Variants in LUZP2 observed in about 807,000 individuals in gnomAD.
LUZP2 encodes the protein leucine zipper protein 2.
In LUZP2, 52 loss-of-function variants were observed where a neutral mutation model predicts 51.6. That is an observed-to-expected ratio of 1.01 (90% CI 0.81 to 1.27). The LOEUF is 1.27. Ranked by LOEUF, LUZP2 falls within the 50% of genes most tolerant of loss-of-function variation. The probability of loss-of-function intolerance (pLI) is 0.00; values close to 1 mark genes in which losing one functional copy is unlikely to be tolerated. For synonymous variants in LUZP2, 154 were observed against 137.3 expected (o/e 1.12, Z -0.85); for missense variants, 436 against 395.4 (o/e 1.10, Z -0.87).
intron 10 of LUZP2, among the ~76,000 whole-genome samples, chr11:25,071,908 GA>G (rs1365744499): frequency 1.3e-5 from 2 of 151,786 alleles, no homozygotes; most frequent in African/African-American, 2.4e-5. Context: ...GCAATGGAAA[GA>G]AAAAAATGTA....
rs1372183022 is a variant in LUZP2 at position 24,627,322 on chromosome 11, GAGA to G, written c.63-101844_63-101842del. ...ATTGGGAAAATGTGCCCAGAAAAAAGAGAAGGTTTTTCAGCTATAAGAAGAAAG... is the reference window on the plus strand; with the variant it reads ...ATTGGGAAAATGTGCCCAGAAAAAAGAGGTTTTTCAGCTATAAGAAGAAAG... On this transcript the variant is annotated intron_variant, in intron 1 of 11. Transcript: ENST00000336930. 7.2e-5 allele frequency among the ~76,000 whole-genome samples: 11 copies of G among 152,160 alleles called. 1 individual carries two copies. In the South Asian group the frequency reaches 2.1e-3, roughly 29 times the overall value.
intron 4 of LUZP2, among the ~76,000 whole-genome samples, chr11:24,742,024 AT>A (rs1412791696): frequency 1.5e-5 from 2 of 134,010 alleles, no homozygotes; most frequent in Non-Finnish European, 3.1e-5. Flanking sequence ...ATAATTATAT[AT>A]TTTATATATA....
At chr11:24,547,378 C>A (rs1230682822) in intron 1 of LUZP2, among the ~76,000 whole-genome samples, 1 of 151,890 alleles carries the variant, frequency 6.6e-6, no homozygotes, top group African/African-American at 2.4e-5. Context: ...ACACATAGAC[C>A]AACGGAACAG....
chr11:24,516,543 G>C (rs1590125529), intron 1 of LUZP2, among the ~76,000 whole-genome samples: 1 of 152,110 alleles, frequency 6.6e-6, no homozygotes, highest in Non-Finnish European at 1.5e-5. Context: ...ATTTTAATTG[G>C]TTAAAGTTTG....
At position 24,893,772 on chromosome 11, in the gene LUZP2, GCACACACA is replaced by G. The variant is rs34127798; in HGVS notation, c.397-12199_397-12192del. Among the ~76,000 whole-genome samples the G allele has an allele frequency of 5.3e-3, 799 of 149,392 alleles. 7 individuals carry two copies. Among genetic ancestry groups the G allele is most frequent in the African/African-American group, 0.014 (566 of 40,656 alleles). ...CACAAACACATGCACAAATACACAC[GCACACACA>G]CACACACACACACACACACGCACAT... is the stretch of plus-strand genomic sequence containing the variant. On this transcript the variant is annotated intron_variant, in intron 5 of 11. Coordinates refer to ENST00000336930, the MANE Select transcript of LUZP2 (RefSeq NM_001009909.4).
At chr11:24,923,808 A>G (rs1035142244) in intron 7 of LUZP2, among the ~76,000 whole-genome samples, 4 of 152,124 alleles carry the variant, frequency 2.6e-5, no homozygotes, top group East Asian at 1.9e-4. Context: ...ATGTAAATGA[A>G]TAGCTTATTT....
intron 5 of LUZP2, among the ~76,000 whole-genome samples, chr11:24,778,252 TA>T (rs2134068435): frequency 6.6e-6 from 1 of 151,680 alleles, no homozygotes; most frequent in African/African-American, 2.4e-5. Flanking sequence ...AATAAAAAAA[TA>T]AAAAATAAAA....
At chr11:24,728,057 T>C (rs1858549430) in intron 1 of LUZP2, among the ~76,000 whole-genome samples, 1 of 152,068 alleles carries the variant, frequency 6.6e-6, no homozygotes, top group Non-Finnish European at 1.5e-5. Flanking sequence ...TTACCCTATT[T>C]AACACATGAA....
chr11:24,712,704 T>C (rs534680818), intron 1 of LUZP2, among the ~76,000 whole-genome samples: 3 of 152,280 alleles, frequency 2.0e-5, no homozygotes, highest in Admixed American at 1.3e-4. Flanking sequence ...TTACCATATT[T>C]GGGGCATAAT....
rs572294381 is a variant in LUZP2 at position 24,740,129 on chromosome 11, T to A, written c.333+1827T>A. ...GCAGAATAGAAGTGCTCACACAGACTATTTTCTCTGGTTCTCATAATAAAA... is the reference window on the plus strand; with the variant it reads ...GCAGAATAGAAGTGCTCACACAGACAATTTTCTCTGGTTCTCATAATAAAA... On this transcript the variant is annotated intron_variant, in intron 4 of 11. Transcript: ENST00000336930. Among the ~76,000 whole-genome samples, 3 of 152,268 alleles carry A rather than the reference T, an allele frequency of 2.0e-5. No individual in the cohort carries two copies. The South Asian group carries it at 6.2e-4, about 32-fold the overall frequency.
At chr11:24,982,615 G>C (rs1287383340) in intron 8 of LUZP2, among the ~76,000 whole-genome samples, 1 of 151,770 alleles carries the variant, frequency 6.6e-6, no homozygotes, top group East Asian at 1.9e-4. Flanking sequence ...GGTGGAGGAT[G>C]AGAGAAGGGA....
intron 1 of LUZP2, among the ~76,000 whole-genome samples, chr11:24,612,018 G>T (rs1854140249): frequency 6.6e-6 from 1 of 152,074 alleles, no homozygotes; most frequent in African/African-American, 2.4e-5. Flanking sequence ...ATCATGTACT[G>T]AAAAAATGTG....
At chr11:24,528,780 A>T (rs1850899830) in intron 1 of LUZP2, among the ~76,000 whole-genome samples, 1 of 151,186 alleles carries the variant, frequency 6.6e-6, no homozygotes, top group African/African-American at 2.4e-5. Context: ...ATGCTGACAA[A>T]CTATCTTACA....
chr11:24,751,498 C>A, intron 4 of LUZP2: 2 of 694,778 alleles, frequency 2.9e-6, no homozygotes, highest in East Asian at 1.4e-4. Flanking sequence ...ATCAAGGTAA[C>A]ATCAGTGCAG....
intron 9 of LUZP2, among the ~76,000 whole-genome samples, chr11:25,014,097 G>A (rs951011749): frequency 6.6e-6 from 1 of 152,124 alleles, no homozygotes; most frequent in Non-Finnish European, 1.5e-5. Context: ...TTTTATGGCT[G>A]CATAGAATTC....
At chr11:24,849,487 C>T (rs55666221) in intron 5 of LUZP2, among the ~76,000 whole-genome samples, 3,211 of 152,212 alleles carry the variant, frequency 0.021, 61 homozygotes, top group Non-Finnish European at 0.028. Context: ...GCATAGTATT[C>T]CATGGTGTAT....
chr11:24,927,014 T>A (rs1176715706), intron 7 of LUZP2, among the ~76,000 whole-genome samples: 1 of 152,032 alleles, frequency 6.6e-6, no homozygotes, highest in Non-Finnish European at 1.5e-5. Flanking sequence ...TGTTGAGTAT[T>A]TTCTTATATG....
chr11:25,040,882 C>A (rs1288933101), intron 9 of LUZP2, among the ~76,000 whole-genome samples: 2 of 152,130 alleles, frequency 1.3e-5, no homozygotes, highest in African/African-American at 4.8e-5. Flanking sequence ...TGGTTTGATT[C>A]CTGGAGAGTC....
intron 2 of LUZP2, among the ~76,000 whole-genome samples, chr11:24,730,956 T>G (rs1858690434): frequency 6.6e-6 from 1 of 151,800 alleles, no homozygotes; most frequent in Non-Finnish European, 1.5e-5. Flanking sequence ...CATGATACAC[T>G]TTGAACTTTA....
Sources: allele counts gnomAD v4.1 joint callset (sites outside exome capture counted in the v4.1 genomes callset), GRCh38; gene constraint gnomAD v4.1.1; transcripts MANE v1.5; gene names NCBI Gene and HGNC (gene_info 2026-07-23, HGNC 2026-07-21).